The following SSUH2 variants were observed in gnomAD, a reference collection of about 807,000 sequenced individuals.
SSUH2 encodes the protein ssu-2 homolog.
In SSUH2, 47 loss-of-function variants were observed where a neutral mutation model predicts 55.3. That is an observed-to-expected ratio of 0.85 (90% confidence interval 0.67 to 1.08). The LOEUF is 1.08. Ranked by LOEUF, SSUH2 falls within the 50% of genes least tolerant of loss-of-function variation. SSUH2 has a pLI of 0.00. For missense variants in SSUH2, 535 were observed against 490.7 expected, an observed-to-expected ratio of 1.09 and a Z score of -0.85; for synonymous variants, 212 against 191.5, an observed-to-expected ratio of 1.11 and a Z score of -0.89.
intron 7 of SSUH2, among the ~76,000 whole-genome samples, chr3:8,629,105 C>T (rs923017578): frequency 6.6e-6 from 1 of 152,130 alleles, no homozygotes. Flanking sequence ...GTGATCTGCC[C>T]GCCTTGGCCT....
intron 7 of SSUH2, among the ~76,000 whole-genome samples, chr3:8,657,634 C>T (rs1031711892): frequency 6.6e-6 from 1 of 152,102 alleles, no homozygotes; most frequent in African/African-American, 2.4e-5. Context: ...GAGTCAAGTA[C>T]ATGGAGAAGA....
intron 1 of SSUH2, among the ~76,000 whole-genome samples, chr3:8,638,595 C>T (rs557019807): frequency 1.6e-4 from 24 of 152,324 alleles, no homozygotes; most frequent in African/African-American, 5.8e-4. Flanking sequence ...GTAAGCCACA[C>T]ATCCCTGTAG....
At chr3:8,624,459 G>C (rs979603758) in intron 10 of SSUH2, among the ~76,000 whole-genome samples, 13 of 152,180 alleles carry the variant, frequency 8.5e-5, no homozygotes, top group African/African-American at 3.1e-4. Flanking sequence ...AGGGCTTCTG[G>C]TGGGGGGATG....
chr3:8,622,929 C>T (rs1053210094), intron 11 of SSUH2, among the ~76,000 whole-genome samples: 3 of 152,172 alleles, frequency 2.0e-5, no homozygotes, highest in Admixed American at 6.5e-5. Context: ...GGATCTCAGC[C>T]CAGTCTGCAA....
At chr3:8,676,409 A>T (rs1007884632) in intron 3 of SSUH2, among the ~76,000 whole-genome samples, 5 of 151,146 alleles carry the variant, frequency 3.3e-5, no homozygotes, top group Non-Finnish European at 7.4e-5. Flanking sequence ...AAGTAATATC[A>T]TCTTCTTCCC....
At chr3:8,679,762 G>A (rs1490755920) in exon 2 of SSUH2, 1 of 160,882 alleles carries the variant, frequency 6.2e-6, no homozygotes, top group South Asian at 2.0e-4. Context: ...CGGAAGGCAA[G>A]TACCTTACTT....
At chr3:8,663,776 T>C in exon 6 of SSUH2, 1 of 456,396 alleles carries the variant, frequency 2.2e-6, no homozygotes, top group Non-Finnish European at 4.4e-6. Flanking sequence ...CTGGTTTCCA[T>C]AGGTACCACA....
At chr3:8,663,377 C>T (rs1325501126) in intron 6 of SSUH2, among the ~76,000 whole-genome samples, 1 of 152,266 alleles carries the variant, frequency 6.6e-6, no homozygotes, top group East Asian at 1.9e-4. Flanking sequence ...AATGCATGGG[C>T]TGAGCCCAAG....
chr3:8,676,651 G>A (rs1240368346), intron 3 of SSUH2, among the ~76,000 whole-genome samples: 1 of 150,886 alleles, frequency 6.6e-6, no homozygotes, highest in Non-Finnish European at 1.5e-5. Flanking sequence ...TGCCTATTAT[G>A]GGGAGTAATA....
chr3:8,652,898 C>T (rs1702565545), intron 7 of SSUH2, among the ~76,000 whole-genome samples: 1 of 152,182 alleles, frequency 6.6e-6, no homozygotes, highest in Non-Finnish European at 1.5e-5. Context: ...GGAATATAAG[C>T]ATGTGACTGA....
intron 8 of SSUH2, chr3:8,627,431 G>A (rs369395903): frequency 4.4e-5 from 16 of 360,758 alleles, no homozygotes; most frequent in South Asian, 2.9e-4. Flanking sequence ...TGGTAACCCC[G>A]TCCCTGTGTT....
At chr3:8,629,616 C>A in intron 7 of SSUH2, 48 bp downstream of exon 7, 2 of 665,494 alleles carry the variant, frequency 3.0e-6, no homozygotes, top group African/African-American at 1.5e-5. Flanking sequence ...CAGGATCCCC[C>A]GGCCACCACA....
chr3:8,652,226 C>T lies in SSUH2; in HGVS notation c.-307+6699G>A, dbSNP rs552523219. Among the ~76,000 whole-genome samples the T allele has an allele frequency of 8.5e-4, 130 of 152,330 alleles. 1 individual carries two copies. In the Middle Eastern group the frequency reaches 0.02, roughly 24 times the overall value. On this transcript the variant is annotated intron_variant, in intron 7 of 18. Coordinates refer to the SSUH2 transcript ENST00000317371. The stretch of plus-strand genomic sequence containing the variant: ...AGTCCTTGATCCAAGCACACAGAGC[C>T]CTCCTCGGGATCTCTCTGATCTTCC...
intron 7 of SSUH2, among the ~76,000 whole-genome samples, chr3:8,654,555 A>G (rs112648383): frequency 0.025 from 3,872 of 152,282 alleles, 75 homozygotes; most frequent in Admixed American, 0.05. Flanking sequence ...ATGTCTACAC[A>G]TGTGTGTGTG....
chr3:8,676,834 C>T lies in SSUH2; in HGVS notation c.-753+372G>A, dbSNP rs570120805. On this transcript the variant is annotated intron_variant, in intron 3 of 18. Transcript: ENST00000317371. ...CGGGGACTGAGAGCCAGCCCCTCTT[C>T]CCCACCTGGCCCTTAGGACCCCCAT... Among the ~76,000 whole-genome samples the T allele has an allele frequency of 4.0e-4, 58 of 145,606 alleles. 3 individuals carry two copies. Among genetic ancestry groups the T allele is most frequent in the South Asian group, 2.2e-3 (10 of 4,508 alleles).
chr3:8,652,235 G>A lies in SSUH2; in HGVS notation c.-307+6690C>T, dbSNP rs143894709. ...TCCAAGCACACAGAGCCCTCCTCGG[G>A]ATCTCTCTGATCTTCCTCCCTCTGC... is the stretch of plus-strand genomic sequence containing the variant. On this transcript the variant is annotated intron_variant, in intron 7 of 18. Transcript: ENST00000317371. 5.6e-4 allele frequency among the ~76,000 whole-genome samples: 86 copies of A among 152,278 alleles called. No homozygotes were observed. The East Asian group carries it at 0.016, about 28-fold the overall frequency.
intron 6 of SSUH2, among the ~76,000 whole-genome samples, chr3:8,662,548 T>G (rs1052687618): frequency 3.3e-5 from 5 of 152,054 alleles, no homozygotes; most frequent in Non-Finnish European, 7.4e-5. Context: ...ATACAGCGAG[T>G]GCTATGTGTG....
rs891572142 is a variant in SSUH2 at position 8,627,779 on chromosome 3, C to T, written c.593G>A (p.Arg198Gln). ...CTTGGCTCCGCAGCAGGATGGGCAC[C>T]GCACCTGCAGACACACCACTGCCTC... Reference protein sequence around the residue: ...CSGCHGAGTVRCPSCCGAKRK... With the variant: ...CSGCHGAGTVQCPSCCGAKRK... Residue 198 changes from arginine to glutamine, a missense_variant, in exon 8 of 12, where the codon CGG becomes CAG. Physicochemically the swap from Arg to Gln is conservative, Grantham distance 43 (BLOSUM62 1). Transcript: ENST00000544814. The T allele has an allele frequency of 1.9e-5, 31 of 1,609,372 alleles. No individual in the cohort carries two copies. The highest frequency in any genetic ancestry group is 2.5e-5 in the Non-Finnish European group (30 of 1,178,050).
chr3:8,652,056 T>A (rs1179439757), intron 7 of SSUH2: 1 of 152,326 alleles, frequency 6.6e-6, no homozygotes, highest in Non-Finnish European at 1.5e-5. Flanking sequence ...TGTGAGCTGT[T>A]CTACAGCGTG....
Sources: allele counts gnomAD v4.1 joint callset (sites outside exome capture counted in the v4.1 genomes callset), GRCh38; gene constraint gnomAD v4.1.1; transcripts MANE v1.5; gene names NCBI Gene and HGNC (gene_info 2026-07-23, HGNC 2026-07-21).